Variants in DENND1B observed in about 807,000 individuals in gnomAD.
DENND1B encodes DENN domain containing 1B.
In DENND1B, 59 loss-of-function variants were observed where a neutral mutation model predicts 90.1. That is an observed-to-expected ratio of 0.65 (90% confidence interval 0.53 to 0.81). The LOEUF (loss-of-function observed/expected upper bound fraction) is 0.81, where lower values mean the gene tolerates loss of function less well. Ranked by LOEUF, DENND1B falls within the 40% of genes least tolerant of loss-of-function variation. The pLI is 0.00. For synonymous variants in DENND1B, 337 were observed against 324.6 expected, an observed-to-expected ratio of 1.04 and a Z score of -0.41; for missense variants, 862 against 912.6, an observed-to-expected ratio of 0.94 and a Z score of 0.71.
At chr1:197,719,005 C>T (rs1007923573) in intron 2 of DENND1B, among the ~76,000 whole-genome samples, 1 of 151,980 alleles carries the variant, frequency 6.6e-6, no homozygotes, top group African/African-American at 2.4e-5. Flanking sequence ...TAAAAGAAAT[C>T]CTCAAACAAA....
intron 2 of DENND1B, among the ~76,000 whole-genome samples, chr1:197,762,663 A>G (rs967301328): frequency 1.2e-4 from 18 of 151,984 alleles, no homozygotes; most frequent in Admixed American, 7.9e-4. Context: ...TTCATTCTAT[A>G]TATCTGCTAT....
chr1:197,518,614 T>C (rs1353721334), intron 20 of DENND1B, among the ~76,000 whole-genome samples: 5 of 151,930 alleles, frequency 3.3e-5, no homozygotes, highest in Admixed American at 6.6e-5. Flanking sequence ...AGAGACTATA[T>C]AGGCTCAATC....
In DENND1B at chr1:197,504,932, C is replaced by T. The variant is rs1244078958; in HGVS notation, c.*5528G>A. 1 of 151,754 alleles carries T rather than the reference C, an allele frequency of 6.6e-6. No individual in the cohort carries two copies. Among genetic ancestry groups the T allele is most frequent in the Non-Finnish European group, 1.5e-5 (1 of 67,846 alleles). The allele number at this position is 151,754 out of a possible 1,614,324, so 9.4% of individuals were successfully genotyped here. A position where few individuals can be genotyped will look rare whatever the true frequency, so the allele number is the denominator to read the frequency against. On this transcript the variant is annotated 3_prime_UTR_variant, in exon 23 of 23. Coordinates refer to ENST00000620048, the MANE Select transcript of DENND1B (RefSeq NM_001195215.2). ...TACTGTAGCCTCAAGGATGCAAGAACAATGAAGTAAAATCACAATTCTGGG... is the reference window on the plus strand; with the variant it reads ...TACTGTAGCCTCAAGGATGCAAGAATAATGAAGTAAAATCACAATTCTGGG...
chr1:197,628,316 A>G (rs1461473107), intron 10 of DENND1B, among the ~76,000 whole-genome samples: 2 of 152,202 alleles, frequency 1.3e-5, no homozygotes, highest in Admixed American at 1.3e-4. Flanking sequence ...TGGTACTGGT[A>G]CCAAAACAGA....
At chr1:197,544,502 T>A (rs1315201988) in intron 18 of DENND1B, among the ~76,000 whole-genome samples, 1 of 152,168 alleles carries the variant, frequency 6.6e-6, no homozygotes, top group African/African-American at 2.4e-5. Context: ...GTTTTTTTAC[T>A]TTATCATTTA....
At chr1:197,659,408 T>G (rs540257080) in intron 5 of DENND1B, among the ~76,000 whole-genome samples, 2 of 152,012 alleles carry the variant, frequency 1.3e-5, no homozygotes, top group African/African-American at 4.8e-5. Context: ...TACAGTATCT[T>G]TACTCAGCAG....
rs1226243038 is a variant in DENND1B, at chr1:197,510,868, G to A, written c.1920C>T (p.Gly640=). Reference sequence around the variant, plus strand: ...TCCTAGGAGATGGAGGGAGGTGTTTGCCATGGAGGGCACTATCGTCTTGCC... The same window carrying A: ...TCCTAGGAGATGGAGGGAGGTGTTTACCATGGAGGGCACTATCGTCTTGCC... The part of the protein sequence containing the change: ...NLGQDDSALH[G]KHLPPSPRKR... The change falls in exon 23 of 23, where the codon GGC becomes GGT. Residue 640 remains glycine, a synonymous_variant. Coordinates refer to ENST00000620048, the MANE Select transcript of DENND1B (RefSeq NM_001195215.2). The A allele has an allele frequency of 3.1e-6, 5 of 1,610,992 alleles. No individual in the cohort carries two copies. The highest frequency in any genetic ancestry group is 4.2e-6 in the Non-Finnish European group (5 of 1,178,496).
intron 2 of DENND1B, among the ~76,000 whole-genome samples, chr1:197,721,474 A>G (rs1044121613): frequency 6.6e-6 from 1 of 152,014 alleles, no homozygotes; most frequent in Non-Finnish European, 1.5e-5. Context: ...CACAATGATT[A>G]GCATTATGCG....
intron 2 of DENND1B, among the ~76,000 whole-genome samples, chr1:197,742,110 C>G (rs373566508): frequency 6.6e-6 from 1 of 152,098 alleles, no homozygotes; most frequent in African/African-American, 2.4e-5. Flanking sequence ...AAGTCTTGGT[C>G]GATACCATCT....
intron 3 of DENND1B, among the ~76,000 whole-genome samples, chr1:197,693,835 C>G (rs1244973578): frequency 6.6e-6 from 1 of 151,358 alleles, no homozygotes; most frequent in Non-Finnish European, 1.5e-5. Context: ...GTAGAATAAC[C>G]CCCACATCCA....
intron 2 of DENND1B, among the ~76,000 whole-genome samples, chr1:197,755,018 C>CA (rs1654097914): frequency 6.6e-6 from 1 of 152,118 alleles, no homozygotes; most frequent in South Asian, 2.1e-4. Flanking sequence ...CACATACTGA[C>CA]AGTATTTGGC....
intron 6 of DENND1B, among the ~76,000 whole-genome samples, chr1:197,653,521 C>G (rs1422024355): frequency 6.6e-6 from 1 of 152,056 alleles, no homozygotes; most frequent in Non-Finnish European, 1.5e-5. Context: ...GTAAAAGTTA[C>G]TTAAATAACC....
intron 3 of DENND1B, among the ~76,000 whole-genome samples, chr1:197,685,360 G>A (rs955521523): frequency 6.6e-6 from 1 of 152,080 alleles, no homozygotes; most frequent in African/African-American, 2.4e-5. Context: ...AACTTGGAAG[G>A]GAGACAACCT....
chr1:197,727,574 AT>A (rs1374770686), intron 2 of DENND1B, among the ~76,000 whole-genome samples: 4 of 152,014 alleles, frequency 2.6e-5, no homozygotes, highest in Non-Finnish European at 4.4e-5. Context: ...ACATATAATT[AT>A]CAAGTTACTG....
intron 2 of DENND1B, chr1:197,736,106 C>A: frequency 2.8e-6 from 2 of 714,258 alleles, no homozygotes; most frequent in Non-Finnish European, 4.9e-6. Flanking sequence ...GTGGAAAACG[C>A]TAAACTGGCA....
At chr1:197,742,147 A>AT (rs1056966577) in intron 2 of DENND1B, among the ~76,000 whole-genome samples, 4 of 152,116 alleles carry the variant, frequency 2.6e-5, no homozygotes, top group African/African-American at 9.7e-5. Context: ...TTCTTTAGTA[A>AT]TTTTTTCTTT....
chr1:197,528,159 T>C lies in DENND1B; in HGVS notation c.1515+11805A>G, dbSNP rs551051186. ...GAGAACCTAAGATATTCTTTTCTTA[T>C]AAGTTTCACAGAAAATTACATCTGT... On this transcript the variant is annotated intron_variant, in intron 20 of 22. Coordinates refer to ENST00000620048, the MANE Select transcript of DENND1B (RefSeq NM_001195215.2). 2.6e-5 allele frequency among the ~76,000 whole-genome samples: 4 copies of C among 152,292 alleles called. No homozygotes were observed. The South Asian group carries it at 8.3e-4, about 32-fold the overall frequency.
chr1:197,575,980 A>G (rs1673645747), intron 15 of DENND1B, among the ~76,000 whole-genome samples: 1 of 152,196 alleles, frequency 6.6e-6, no homozygotes, highest in South Asian at 2.1e-4. Context: ...TACCTAATGT[A>G]AATAATGAGT....
intron 10 of DENND1B, among the ~76,000 whole-genome samples, chr1:197,629,891 T>TGACTGAG (rs1679171951): frequency 1.3e-5 from 2 of 152,040 alleles, no homozygotes; most frequent in South Asian, 4.2e-4. Context: ...GGTCAAAAAC[T>TGACTGAG]GTAACTGATG....
Sources: gnomAD v4.1 joint callset for allele counts (sites outside exome capture counted in the v4.1 genomes callset) on GRCh38, gnomAD v4.1.1 for gene constraint, MANE v1.5 for transcripts, NCBI Gene and HGNC (gene_info 2026-07-23, HGNC 2026-07-21) for gene names.